The following RPS6KA5 variants were observed in gnomAD, a reference collection of about 807,000 sequenced individuals.
The protein encoded by RPS6KA5 is ribosomal protein S6 kinase alpha-5.
RPS6KA5 carries 27 observed loss-of-function variants against 85.5 expected under a neutral mutation model. That is an observed-to-expected ratio of 0.32 (90% CI 0.23 to 0.44). The LOEUF (loss-of-function observed/expected upper bound fraction) is 0.44, where lower values mean the gene tolerates loss of function less well. Among genes scored for constraint, RPS6KA5 ranks in the 20% least tolerant of loss-of-function variants. The pLI is 1.00. For synonymous variants in RPS6KA5, 334 were observed against 348.2 expected (o/e 0.96, Z 0.46); for missense variants, 811 against 980.9 (o/e 0.83, Z 2.31).
intron 8 of RPS6KA5, among the ~76,000 whole-genome samples, chr14:90,904,124 T>C (rs2035361050): frequency 6.6e-6 from 1 of 152,124 alleles, no homozygotes; most frequent in Non-Finnish European, 1.5e-5. Context: ...TAATTTTTTG[T>C]ATTTTTAGCA....
intron 1 of RPS6KA5, among the ~76,000 whole-genome samples, chr14:91,004,095 G>T (rs578175214): frequency 7.4e-4 from 113 of 152,010 alleles, no homozygotes; most frequent in African/African-American, 2.6e-3. Flanking sequence ...TTTGTTTTTT[G>T]ATTTTTTTGA....
rs1310940260 is a variant in RPS6KA5, at chr14:90,854,129, T to A, written c.*17945A>T. ...ATATTTTTTCCTCTAAACTAAGATA[T>A]CTGTTTATATAGACTATTGATGCAA... On this transcript the variant is annotated 3_prime_UTR_variant, in exon 17 of 17. Transcript: ENST00000614987. 6.6e-6 allele frequency: 1 copy of A among 152,162 alleles called. No homozygotes were observed. Among genetic ancestry groups the A allele is most frequent in the Non-Finnish European group, 1.5e-5 (1 of 68,024 alleles). The allele number at this position is 152,162 out of a possible 1,614,324, so 9.4% of individuals were successfully genotyped here.
At chr14:91,056,852 T>C (rs188867221) in intron 1 of RPS6KA5, among the ~76,000 whole-genome samples, 21 of 147,756 alleles carry the variant, frequency 1.4e-4, no homozygotes, top group African/African-American at 4.9e-4. Context: ...ACTGTTATAC[T>C]TAAGGCAGTA....
rs188028621 is a variant in RPS6KA5, at chr14:90,984,093, G to A, written c.176-5569C>T. ...ACTCCTGACCTCCGGTGATCCACCC[G>A]CCTTGGCTTCCCAAAGTGCTGGGAT... On this transcript the variant is annotated intron_variant, in intron 2 of 16. Coordinates refer to ENST00000614987, the MANE Select transcript of RPS6KA5 (RefSeq NM_004755.4). Among the ~76,000 whole-genome samples, 26 of 152,222 alleles carry A rather than the reference G, an allele frequency of 1.7e-4. No individual in the cohort carries two copies. The East Asian group carries it at 2.1e-3, about 12-fold the overall frequency.
At chr14:90,880,654 T>C (rs1305737695) in intron 14 of RPS6KA5, among the ~76,000 whole-genome samples, 1 of 152,194 alleles carries the variant, frequency 6.6e-6, no homozygotes, top group African/African-American at 2.4e-5. Context: ...GGTATTGAAG[T>C]CTCCAATAAT....
At chr14:91,018,322 G>GCAGGT (rs2041593496) in intron 1 of RPS6KA5, among the ~76,000 whole-genome samples, 1 of 152,180 alleles carries the variant, frequency 6.6e-6, no homozygotes, top group Non-Finnish European at 1.5e-5. Context: ...CTACTGTGAT[G>GCAGGT]GTTAATAGCA....
chr14:90,935,476 G>A (rs2037205955), intron 5 of RPS6KA5, among the ~76,000 whole-genome samples: 1 of 152,152 alleles, frequency 6.6e-6, no homozygotes, highest in South Asian at 2.1e-4. Context: ...AATTAGGTAT[G>A]ATAAATATTA....
intron 1 of RPS6KA5, among the ~76,000 whole-genome samples, chr14:91,047,308 T>C (rs867552609): frequency 2.6e-5 from 4 of 152,324 alleles, no homozygotes; most frequent in Non-Finnish European, 5.9e-5. Context: ...TTCTAAGTGG[T>C]GTAGGCCTGA....
chr14:90,881,314 C>A (rs549709059), intron 14 of RPS6KA5, among the ~76,000 whole-genome samples: 2 of 151,134 alleles, frequency 1.3e-5, no homozygotes, highest in South Asian at 4.2e-4. Flanking sequence ...AGCTGGGTGT[C>A]ATGGTATATG....
At chr14:91,017,072 T>C (rs1381478067) in intron 1 of RPS6KA5, among the ~76,000 whole-genome samples, 2 of 152,146 alleles carry the variant, frequency 1.3e-5, no homozygotes, top group Non-Finnish European at 2.9e-5. Context: ...GTAGCAGAGA[T>C]GGTGGTTACG....
intron 2 of RPS6KA5, among the ~76,000 whole-genome samples, chr14:90,987,519 A>T (rs978547567): frequency 6.6e-6 from 1 of 152,224 alleles, no homozygotes; most frequent in African/African-American, 2.4e-5. Flanking sequence ...AAAAAAAGCT[A>T]TCTTATCAGG....
chr14:90,865,737 GGAGA>G lies in RPS6KA5; in HGVS notation c.*6333_*6336del, dbSNP rs2032777216. 1 of 152,204 alleles carries G rather than the reference GGAGA, an allele frequency of 6.6e-6. No individual in the cohort carries two copies. Among genetic ancestry groups the G allele is most frequent in the Non-Finnish European group, 1.5e-5 (1 of 68,054 alleles). 9.4% of individuals were successfully genotyped at this position (152,204 alleles called of 1,614,324 possible). ...GCTGGGGAAGGAGTGGGAAAACAGAGGAGAGAGCTATCACATGGGCTTCCTAGAG... is the reference window on the plus strand; with the variant it reads ...GCTGGGGAAGGAGTGGGAAAACAGAGGAGCTATCACATGGGCTTCCTAGAG... On this transcript the variant is annotated 3_prime_UTR_variant, in exon 17 of 17. Coordinates refer to ENST00000614987, the MANE Select transcript of RPS6KA5 (RefSeq NM_004755.4).
rs181603855 is a variant in RPS6KA5, at chr14:90,939,409, C to T, written c.618+3669G>A. On this transcript the variant is annotated intron_variant, in intron 5 of 16. Transcript: ENST00000614987. ...TCTGCCTGTTACCCAGTTCCAAAGT[C>T]GCTTCCACATTTTCAGCAGCACCCC... Among the ~76,000 whole-genome samples, 15 of 152,292 alleles carry T rather than the reference C, an allele frequency of 9.8e-5. No homozygotes were observed. In the East Asian group the frequency reaches 2.1e-3, roughly 22 times the overall value.
intron 2 of RPS6KA5, among the ~76,000 whole-genome samples, chr14:90,993,189 C>T (rs1171159216): frequency 6.6e-6 from 1 of 152,174 alleles, no homozygotes; most frequent in Non-Finnish European, 1.5e-5. Context: ...CACCTGTAAT[C>T]CCAACACTTT....
At chr14:90,984,024 T>C (rs2039953565) in intron 2 of RPS6KA5, among the ~76,000 whole-genome samples, 1 of 152,102 alleles carries the variant, frequency 6.6e-6, no homozygotes, top group Non-Finnish European at 1.5e-5. Context: ...TTTGTATTTT[T>C]AGTAGAGATG....
intron 2 of RPS6KA5, among the ~76,000 whole-genome samples, chr14:90,999,634 G>A (rs1160642522): frequency 6.6e-6 from 1 of 152,232 alleles, no homozygotes; most frequent in Admixed American, 6.5e-5. Flanking sequence ...GGAGAGAACT[G>A]AGTAGGAAAC....
At chr14:91,009,222 G>A (rs2041157168) in intron 1 of RPS6KA5, among the ~76,000 whole-genome samples, 1 of 152,206 alleles carries the variant, frequency 6.6e-6, no homozygotes, top group Non-Finnish European at 1.5e-5. Flanking sequence ...CTAGGGCAGA[G>A]CCCTCATGGA....
At chr14:90,991,936 CCA>C (rs1009240056) in intron 2 of RPS6KA5, among the ~76,000 whole-genome samples, 1 of 151,860 alleles carries the variant, frequency 6.6e-6, no homozygotes, top group African/African-American at 2.4e-5. Flanking sequence ...TTCAAATATT[CCA>C]CAGTCTTCAA....
intron 3 of RPS6KA5, among the ~76,000 whole-genome samples, chr14:90,959,013 G>GT (rs2038664874): frequency 6.6e-6 from 1 of 151,930 alleles, no homozygotes; most frequent in African/African-American, 2.4e-5. Flanking sequence ...CCAAGCAGAA[G>GT]TAACATCCAG....
Sources: gnomAD v4.1 joint callset for allele counts (sites outside exome capture counted in the v4.1 genomes callset) on GRCh38, gnomAD v4.1.1 for gene constraint, MANE v1.5 for transcripts, NCBI Gene and HGNC (gene_info 2026-07-23, HGNC 2026-07-21) for gene names.